CDH18: variants seen among roughly 807,000 people sequenced by gnomAD.
CDH18 encodes the protein cadherin 18.
A neutral mutation model predicts 67.9 loss-of-function variants in CDH18; 31 were observed. That is an observed-to-expected ratio of 0.46 (90% CI 0.34 to 0.62). The LOEUF is 0.62. CDH18 is among the 20% of genes least tolerant of loss of function. CDH18 has a pLI of 0.01. For synonymous variants in CDH18, 362 were observed against 347.2 expected (o/e 1.04, Z -0.48); for missense variants, 890 against 975.5 (o/e 0.91, Z 1.17).
At chr5:19,499,386 A>G (rs1246880468) in intron 11 of CDH18, among the ~76,000 whole-genome samples, 1 of 152,062 alleles carries the variant, frequency 6.6e-6, no homozygotes, top group Non-Finnish European at 1.5e-5. Context: ...AATAGCTATA[A>G]TTGCATATAT....
chr5:19,857,493 G>A (rs1784436514), intron 2 of CDH18, among the ~76,000 whole-genome samples: 1 of 152,142 alleles, frequency 6.6e-6, no homozygotes. Flanking sequence ...ACATAGTACA[G>A]TAGTTGAGAC....
intron 2 of CDH18, among the ~76,000 whole-genome samples, chr5:19,955,251 C>A (rs370510679): frequency 6.6e-6 from 1 of 151,952 alleles, no homozygotes; most frequent in African/African-American, 2.4e-5. Flanking sequence ...TACCCAGTCT[C>A]GTGCACATCT....
intron 1 of CDH18, among the ~76,000 whole-genome samples, chr5:20,522,471 T>C (rs1414112333): frequency 6.6e-6 from 1 of 152,214 alleles, no homozygotes; most frequent in South Asian, 2.1e-4. Flanking sequence ...TCTCTAATTA[T>C]AGTTCACTGC....
At chr5:20,564,433 A>G (rs1187101723) in intron 1 of CDH18, among the ~76,000 whole-genome samples, 1 of 151,962 alleles carries the variant, frequency 6.6e-6, no homozygotes, top group East Asian at 1.9e-4. Context: ...ACATGCTACC[A>G]TGCCAAGCTA....
Position 20,012,976 on chromosome 5 carries a change from G to T in CDH18, c.-517-20962C>A, listed in dbSNP as rs1469503692. Among the ~76,000 whole-genome samples the T allele has an allele frequency of 3.9e-5, 6 of 151,992 alleles. No individual in the cohort carries two copies. In the East Asian group the frequency reaches 1.2e-3, roughly 29 times the overall value. Reference sequence around the variant, plus strand: ...GATATTAGTTATCTAATATATCTTGGTGATTAAATAATCTGTATGACAAAC... The same window carrying T: ...GATATTAGTTATCTAATATATCTTGTTGATTAAATAATCTGTATGACAAAC... On this transcript the variant is annotated intron_variant, in intron 2 of 14. Transcript: ENST00000507958.
chr5:19,620,100 T>A (rs1214646633), intron 5 of CDH18, among the ~76,000 whole-genome samples: 1 of 152,236 alleles, frequency 6.6e-6, no homozygotes, highest in African/African-American at 2.4e-5. Flanking sequence ...TTAGCAATCA[T>A]AAATTCATAG....
intron 1 of CDH18, among the ~76,000 whole-genome samples, chr5:20,517,605 G>T: frequency 6.6e-6 from 1 of 151,604 alleles, no homozygotes. Flanking sequence ...CACATACCAA[G>T]GCTATAAAAT....
At chr5:20,375,460 TG>T (rs574162922) in intron 1 of CDH18, among the ~76,000 whole-genome samples, 1 of 152,028 alleles carries the variant, frequency 6.6e-6, no homozygotes, top group Non-Finnish European at 1.5e-5. Flanking sequence ...AAAGTGGTGG[TG>T]GGGGGCAGGG....
At chr5:20,402,282 G>T (rs917314476) in intron 1 of CDH18, among the ~76,000 whole-genome samples, 1 of 152,046 alleles carries the variant, frequency 6.6e-6, no homozygotes, top group Admixed American at 6.6e-5. Context: ...CTGTGTATTT[G>T]GTCATTGCCT....
At position 19,509,675 on chromosome 5, in the gene CDH18, T is replaced by G. The variant is rs568353127; in HGVS notation, c.1513-6566A>C. On this transcript the variant is annotated intron_variant, in intron 10 of 12. Coordinates refer to ENST00000382275, the MANE Select transcript of CDH18 (RefSeq NM_004934.5). ...AGAATGTTATGTAATAAAATTTCTT[T>G]TATGTGTTATTTTTGTACATTTATT... Among the ~76,000 whole-genome samples, 14 of 152,268 alleles carry G rather than the reference T, an allele frequency of 9.2e-5. No homozygotes were observed. In the South Asian group the frequency reaches 2.5e-3, roughly 27 times the overall value.
chr5:19,757,135 C>A (rs1771709682), intron 3 of CDH18, among the ~76,000 whole-genome samples: 1 of 152,132 alleles, frequency 6.6e-6, no homozygotes, highest in African/African-American at 2.4e-5. Context: ...AAAGTGAGTG[C>A]CTTAGTTAGA....
chr5:19,867,539 A>T lies in CDH18; in HGVS notation c.-256-28297T>A, dbSNP rs190694401. On this transcript the variant is annotated intron_variant, in intron 2 of 12. Transcript: ENST00000382275. Reference sequence around the variant, plus strand: ...TATGTAAAGCAAAAACTTGGAATATAGGCTATTCAATGGTGACTTACTTGC... The same window carrying T: ...TATGTAAAGCAAAAACTTGGAATATTGGCTATTCAATGGTGACTTACTTGC... Among the ~76,000 whole-genome samples, 502 of 152,330 alleles carry T rather than the reference A, an allele frequency of 3.3e-3. 5 individuals are homozygous for T. The highest frequency in any genetic ancestry group is 4.4e-3 in the Non-Finnish European group (302 of 68,038).
chr5:20,466,594 C>T (rs1344021394), intron 1 of CDH18, among the ~76,000 whole-genome samples: 1 of 152,040 alleles, frequency 6.6e-6, no homozygotes, highest in Non-Finnish European at 1.5e-5. Flanking sequence ...TTGTATGAGT[C>T]ACAGCCACCT....
chr5:19,643,609 T>C (rs1488417046), intron 5 of CDH18, among the ~76,000 whole-genome samples: 2 of 152,126 alleles, frequency 1.3e-5, no homozygotes, highest in Non-Finnish European at 2.9e-5. Context: ...TCCACATACA[T>C]GTGGAATCTA....
At chr5:20,563,299 C>G (rs1758322474) in intron 1 of CDH18, among the ~76,000 whole-genome samples, 1 of 151,988 alleles carries the variant, frequency 6.6e-6, no homozygotes, top group African/African-American at 2.4e-5. Flanking sequence ...AACACAATAA[C>G]AAAAGTCTGA....
chr5:20,569,142 A>AT (rs1328076292), intron 1 of CDH18, among the ~76,000 whole-genome samples: 33 of 152,214 alleles, frequency 2.2e-4, no homozygotes, highest in African/African-American at 7.5e-4. Context: ...GATGGCTACG[A>AT]GTCGTGTACA....
chr5:20,478,575 C>G (rs10060685), intron 1 of CDH18, among the ~76,000 whole-genome samples: 3,911 of 152,206 alleles, frequency 0.026, 167 homozygotes, highest in African/African-American at 0.09. Flanking sequence ...AGTGCCAGCT[C>G]AGAAGCAACA....
At chr5:19,496,534 C>T (rs975452294) in intron 11 of CDH18, among the ~76,000 whole-genome samples, 11 of 152,088 alleles carry the variant, frequency 7.2e-5, no homozygotes, top group South Asian at 6.2e-4. Flanking sequence ...GCTTTCAGGC[C>T]GGGCACATTG....
chr5:20,230,954 A>G (rs1223555935), intron 2 of CDH18, among the ~76,000 whole-genome samples: 1 of 152,204 alleles, frequency 6.6e-6, no homozygotes, highest in African/African-American at 2.4e-5. Flanking sequence ...TTAAAACATC[A>G]TCACCCATGG....
Sources: allele counts gnomAD v4.1 joint callset (sites outside exome capture counted in the v4.1 genomes callset), GRCh38; gene constraint gnomAD v4.1.1; transcripts MANE v1.5; gene names NCBI Gene and HGNC (gene_info 2026-07-23, HGNC 2026-07-21).